Variants in AGPAT4 observed in about 807,000 individuals in gnomAD.
AGPAT4 encodes the protein 1-acyl-sn-glycerol-3-phosphate acyltransferase delta.
A neutral mutation model predicts 48.0 loss-of-function variants in AGPAT4; 15 were observed. That is an observed-to-expected ratio of 0.31 (90% CI 0.21 to 0.48). The LOEUF is 0.48. Among genes scored for constraint, AGPAT4 ranks in the 20% least tolerant of loss-of-function variants. AGPAT4 has a pLI of 0.99. For synonymous variants in AGPAT4, 178 were observed against 198.7 expected (o/e 0.90, Z 0.88); for missense variants, 314 against 482.5 (o/e 0.65, Z 3.27).
At position 161,208,326 on chromosome 6, in the gene AGPAT4, G is replaced by A. The variant is rs565337529; in HGVS notation, c.178+23710C>T. 4.6e-5 allele frequency among the ~76,000 whole-genome samples: 7 copies of A among 152,224 alleles called. No homozygotes were observed. In the East Asian group the frequency reaches 1.3e-3, roughly 29 times the overall value. On this transcript the variant is annotated intron_variant, in intron 2 of 8. Coordinates refer to ENST00000320285, the MANE Select transcript of AGPAT4 (RefSeq NM_020133.3). The surrounding 1 kb of genome is among the most constrained non-coding windows in gnomAD (Gnocchi z 4.6). ...GGAACTTCCCTAACAATGTGCTCTT[G>A]TACATTTATCATCTTTCTGGCTTTG... is the stretch of plus-strand genomic sequence containing the variant.
rs1357030356 is a variant in AGPAT4, at chr6:161,244,687, C to T, written c.-89-12385G>A. Reference sequence around the variant, plus strand: ...AGCGAACTGCATTCTCTGACATCTCCGATCCAGTAAAGCCGACAAGGGTGC... The same window carrying T: ...AGCGAACTGCATTCTCTGACATCTCTGATCCAGTAAAGCCGACAAGGGTGC... On this transcript the variant is annotated intron_variant, in intron 1 of 8. Transcript: ENST00000320285. The surrounding 1 kb of genome is among the most constrained non-coding windows in gnomAD (Gnocchi z 4.7). 6.6e-6 allele frequency among the ~76,000 whole-genome samples: 1 copy of T among 152,186 alleles called. No individual in the cohort carries two copies. The highest frequency in any genetic ancestry group is 1.5e-5 in the Non-Finnish European group (1 of 68,042).
At chr6:161,151,528 CAGA>C (rs1400372656) in intron 5 of AGPAT4, among the ~76,000 whole-genome samples, 2 of 152,250 alleles carry the variant, frequency 1.3e-5, no homozygotes, top group Non-Finnish European at 2.9e-5. Context: ...CCACCAGGGG[CAGA>C]AGGTGAGATG....
At chr6:161,224,957 C>T (rs1781932086) in intron 2 of AGPAT4, among the ~76,000 whole-genome samples, 1 of 152,170 alleles carries the variant, frequency 6.6e-6, no homozygotes, top group South Asian at 2.1e-4. Context: ...TCTTAACTTC[C>T]TCGTAAAGCA....
chr6:161,221,252 G>T lies in AGPAT4; in HGVS notation c.178+10784C>A, dbSNP rs1447700988. Among the ~76,000 whole-genome samples, 2 of 152,068 alleles carry T rather than the reference G, an allele frequency of 1.3e-5. No homozygotes were observed. Among genetic ancestry groups the T allele is most frequent in the African/African-American group, 4.8e-5 (2 of 41,396 alleles). On this transcript the variant is annotated intron_variant, in intron 2 of 8. Transcript: ENST00000320285. The surrounding 1 kb of genome is among the most constrained non-coding windows in gnomAD (Gnocchi z 4.5). ...TGGCTAGATCTGAGTGGGGCAACTG[G>T]CCCCAGATGAGGTTCCTACACAGTT... is the stretch of plus-strand genomic sequence containing the variant.
rs540156443 is a variant in AGPAT4 at position 161,266,511 on chromosome 6, G to C, written c.-90+7427C>G. 6.6e-6 allele frequency among the ~76,000 whole-genome samples: 1 copy of C among 152,286 alleles called. No homozygotes were observed. Among genetic ancestry groups the C allele is most frequent in the South Asian group, 2.1e-4 (1 of 4,822 alleles). ...TAGAAAGAGTGACTGTTTTATGAAG[G>C]GTGAATGGGGTGATGGGAGAGCGTC... On this transcript the variant is annotated intron_variant, in intron 1 of 8. Coordinates refer to ENST00000320285, the MANE Select transcript of AGPAT4 (RefSeq NM_020133.3). This position sits in a 1 kb window ranked among gnomAD's most constrained non-coding sequence, Gnocchi z 6.2.
chr6:161,167,733 A>G (rs1780146776), intron 2 of AGPAT4, among the ~76,000 whole-genome samples: 1 of 152,178 alleles, frequency 6.6e-6, no homozygotes, highest in Non-Finnish European at 1.5e-5. Flanking sequence ...AGCCCTCTAG[A>G]AGGCATCACA....
At position 161,132,106 on chromosome 6, in the gene AGPAT4, G is replaced by A. The variant is rs184755389; in HGVS notation, c.*4434C>T. On this transcript the variant is annotated 3_prime_UTR_variant, in exon 9 of 9. Coordinates refer to ENST00000320285, the MANE Select transcript of AGPAT4 (RefSeq NM_020133.3). ...CTTCATTACGGGCTCCGGTTTTGGA[G>A]TGCAGAGGGATTGGCATTTGTAAAG... is the stretch of plus-strand genomic sequence containing the variant. 6 of 152,350 alleles carry A rather than the reference G, an allele frequency of 3.9e-5. No homozygotes were observed. Among genetic ancestry groups the A allele is most frequent in the Non-Finnish European group, 7.3e-5 (5 of 68,058 alleles). The allele number at this position is 152,350 out of a possible 1,614,324, so 9.4% of individuals were successfully genotyped here. A position where few individuals can be genotyped will look rare whatever the true frequency, so the allele number is the denominator to read the frequency against.
At position 161,223,711 on chromosome 6, in the gene AGPAT4, A is replaced by G. The variant is rs1781892142; in HGVS notation, c.178+8325T>C. Among the ~76,000 whole-genome samples the G allele has an allele frequency of 6.6e-6, 1 of 152,130 alleles. No homozygotes were observed. Among genetic ancestry groups the G allele is most frequent in the Admixed American group, 6.5e-5 (1 of 15,282 alleles). On this transcript the variant is annotated intron_variant, in intron 2 of 8. Transcript: ENST00000320285. The surrounding 1 kb of genome is among the most constrained non-coding windows in gnomAD (Gnocchi z 6.3). ...TGAGAACACATCACTTACTACACTG[A>G]CCAGTTGGACACATGGCCTCACCTC...
intron 5 of AGPAT4, among the ~76,000 whole-genome samples, chr6:161,150,643 G>A (rs1004645641): frequency 6.6e-6 from 1 of 152,254 alleles, no homozygotes; most frequent in Admixed American, 6.5e-5. Context: ...GAGCCTGGAA[G>A]TGGGGCCCGG....
intron 2 of AGPAT4, among the ~76,000 whole-genome samples, chr6:161,224,540 G>T (rs1781916232): frequency 6.6e-6 from 1 of 151,142 alleles, no homozygotes; most frequent in South Asian, 2.1e-4. Context: ...TACTCGGGAG[G>T]CTGAGGCAGG....
intron 5 of AGPAT4, among the ~76,000 whole-genome samples, chr6:161,150,280 C>G (rs1779551877): frequency 6.6e-6 from 1 of 152,178 alleles, no homozygotes; most frequent in Non-Finnish European, 1.5e-5. Flanking sequence ...CGGCTGCCAC[C>G]TTTTCCCACC....
intron 2 of AGPAT4, among the ~76,000 whole-genome samples, chr6:161,191,255 T>A (rs1337262130): frequency 6.6e-6 from 1 of 152,128 alleles, no homozygotes; most frequent in Non-Finnish European, 1.5e-5. Context: ...CCAGCAGATA[T>A]CACACCCAGA....
Position 161,228,800 on chromosome 6 carries a change from C to T in AGPAT4, c.178+3236G>A, listed in dbSNP as rs1005345370. On this transcript the variant is annotated intron_variant, in intron 2 of 8. Coordinates refer to ENST00000320285, the MANE Select transcript of AGPAT4 (RefSeq NM_020133.3). ...CTTCCTTCTTTTTACCTAACGAAGCCGGCTCCATCCTCCCTTCCTCCTTCA... is the reference window on the plus strand; with the variant it reads ...CTTCCTTCTTTTTACCTAACGAAGCTGGCTCCATCCTCCCTTCCTCCTTCA... 4.0e-4 allele frequency among the ~76,000 whole-genome samples: 61 copies of T among 151,996 alleles called. 1 individual carries two copies. The highest frequency in any genetic ancestry group is 6.8e-3 in the Middle Eastern group (2 of 294).
At chr6:161,185,818 C>T (rs1780752346) in intron 2 of AGPAT4, among the ~76,000 whole-genome samples, 2 of 152,154 alleles carry the variant, frequency 1.3e-5, no homozygotes, top group Admixed American at 6.5e-5. Flanking sequence ...ACAAAAATGG[C>T]ATAAAACTGT....
In AGPAT4 at chr6:161,249,908, G is replaced by T. The variant is rs149331012; in HGVS notation, c.-89-17606C>A. Among the ~76,000 whole-genome samples, 2 of 152,274 alleles carry T rather than the reference G, an allele frequency of 1.3e-5. No individual in the cohort carries two copies. Among genetic ancestry groups the T allele is most frequent in the East Asian group, 3.9e-4 (2 of 5,182 alleles). ...CAGCTATTCACAGCTATTCACTATTGCAGCTATTCACAATAGCAAAGACAT... is the reference window on the plus strand; with the variant it reads ...CAGCTATTCACAGCTATTCACTATTTCAGCTATTCACAATAGCAAAGACAT... On this transcript the variant is annotated intron_variant, in intron 1 of 8. Coordinates refer to ENST00000320285, the MANE Select transcript of AGPAT4 (RefSeq NM_020133.3). This position sits in a 1 kb window ranked among gnomAD's most constrained non-coding sequence, Gnocchi z 6.2.
At position 161,219,212 on chromosome 6, in the gene AGPAT4, A is replaced by C. The variant is rs1781734771; in HGVS notation, c.178+12824T>G. 6.6e-6 allele frequency among the ~76,000 whole-genome samples: 1 copy of C among 152,156 alleles called. No homozygotes were observed. Among genetic ancestry groups the C allele is most frequent in the South Asian group, 2.1e-4 (1 of 4,822 alleles). On this transcript the variant is annotated intron_variant, in intron 2 of 8. Coordinates refer to ENST00000320285, the MANE Select transcript of AGPAT4 (RefSeq NM_020133.3). This position sits in a 1 kb window ranked among gnomAD's most constrained non-coding sequence, Gnocchi z 4.9. Reference sequence around the variant, plus strand: ...CCAGTATGGTGAAACCAAAACCCATAGCTAAGGCAGTGGTCTTTCAATGTT... The same window carrying C: ...CCAGTATGGTGAAACCAAAACCCATCGCTAAGGCAGTGGTCTTTCAATGTT...
chr6:161,216,164 C>A lies in AGPAT4; in HGVS notation c.178+15872G>T, dbSNP rs1417484329. 6.6e-6 allele frequency among the ~76,000 whole-genome samples: 1 copy of A among 152,228 alleles called. No homozygotes were observed. The highest frequency in any genetic ancestry group is 2.4e-5 in the African/African-American group (1 of 41,450). On this transcript the variant is annotated intron_variant, in intron 2 of 8. Coordinates refer to ENST00000320285, the MANE Select transcript of AGPAT4 (RefSeq NM_020133.3). The surrounding 1 kb of genome is among the most constrained non-coding windows in gnomAD (Gnocchi z 4.8). ...TAGTCTGACAAAGGAGACTAACACT[C>A]TTAGACACAAATACAAGTTGGAGAT...
At chr6:161,258,031 A>G (rs557296106) in intron 1 of AGPAT4, among the ~76,000 whole-genome samples, 2 of 152,358 alleles carry the variant, frequency 1.3e-5, no homozygotes, top group Non-Finnish European at 2.9e-5. Context: ...CCATGGGATC[A>G]TTTATTACTT....
In AGPAT4 at chr6:161,246,976, C is replaced by T. The variant is rs1421996955; in HGVS notation, c.-89-14674G>A. Among the ~76,000 whole-genome samples, 1 of 152,236 alleles carries T rather than the reference C, an allele frequency of 6.6e-6. No homozygotes were observed. ...AGGGCAGATGACACACCAAGTTATTCTCCCTGCAAAATCCACGCAGATGAA... is the reference window on the plus strand; with the variant it reads ...AGGGCAGATGACACACCAAGTTATTTTCCCTGCAAAATCCACGCAGATGAA... On this transcript the variant is annotated intron_variant, in intron 1 of 8. Coordinates refer to ENST00000320285, the MANE Select transcript of AGPAT4 (RefSeq NM_020133.3). This position sits in a 1 kb window ranked among gnomAD's most constrained non-coding sequence, Gnocchi z 5.5.
Sources: gnomAD v4.1 joint callset for allele counts (sites outside exome capture counted in the v4.1 genomes callset) on GRCh38, gnomAD v4.1.1 for gene constraint, Gnocchi (gnomAD v3.1) non-coding constraint, MANE v1.5 for transcripts, NCBI Gene and HGNC (gene_info 2026-07-23, HGNC 2026-07-21) for gene names.